The following DNAJC15 variants were observed in gnomAD, a reference collection of about 807,000 sequenced individuals.
DNAJC15 encodes the protein DnaJ heat shock protein family (Hsp40) member C15, also known as dnaJ homolog subfamily C member 15.
DNAJC15 carries 27 observed loss-of-function variants against 22.4 expected under a neutral mutation model. That is an observed-to-expected ratio of 1.20 (90% CI 0.89 to 1.66). The LOEUF is 1.66. Ranked by LOEUF, DNAJC15 falls within the 40% of genes most tolerant of loss-of-function variation. The pLI is 0.00. For missense variants in DNAJC15, 208 were observed against 187.1 expected, an observed-to-expected ratio of 1.11 and a Z score of -0.65; for synonymous variants, 79 against 63.2, an observed-to-expected ratio of 1.25 and a Z score of -1.19.
At chr13:43,069,540 T>C (rs1772530511) in intron 3 of DNAJC15, among the ~76,000 whole-genome samples, 2 of 152,186 alleles carry the variant, frequency 1.3e-5, no homozygotes, top group African/African-American at 4.8e-5. Context: ...ATAGCTACTC[T>C]GGGGAGCTGA....
intron 5 of DNAJC15, among the ~76,000 whole-genome samples, chr13:43,097,662 G>GCTAGACCTT (rs2040746375): frequency 6.6e-6 from 1 of 152,188 alleles, no homozygotes; most frequent in African/African-American, 2.4e-5. Context: ...TCTAGGCCCG[G>GCTAGACCTT]TACGGTGGCT....
Position 43,077,205 on chromosome 13 carries a change from A to G in DNAJC15, c.235-1407A>G, listed in dbSNP as rs2040637613. Among the ~76,000 whole-genome samples the G allele has an allele frequency of 3.9e-5, 6 of 152,366 alleles. 1 individual carries two copies. The South Asian group carries it at 1.2e-3, about 32-fold the overall frequency. On this transcript the variant is annotated intron_variant, in intron 3 of 5. Transcript: ENST00000379221. ...TCCTCATGTCTGTTATTCACAACAA[A>G]TAAACAGCTGCTCCTTTCCTCAGTC...
chr13:43,083,590 A>C (rs985401145), intron 4 of DNAJC15, among the ~76,000 whole-genome samples: 2 of 152,256 alleles, frequency 1.3e-5, no homozygotes, highest in African/African-American at 4.8e-5. Flanking sequence ...AATAAAGGCA[A>C]GATGTGCCAC....
intron 4 of DNAJC15, among the ~76,000 whole-genome samples, chr13:43,083,021 A>G (rs1172537574): frequency 1.3e-5 from 2 of 152,010 alleles, no homozygotes; most frequent in African/African-American, 2.4e-5. Flanking sequence ...TTTTTACTTT[A>G]AAATTATTTG....
intron 5 of DNAJC15, among the ~76,000 whole-genome samples, chr13:43,100,440 A>T (rs919122855): frequency 2.0e-5 from 3 of 151,826 alleles, no homozygotes; most frequent in African/African-American, 7.3e-5. Flanking sequence ...CAAATTCCTG[A>T]GATTAAGTGA....
At chr13:43,063,285 C>G (rs904974932) in intron 1 of DNAJC15, among the ~76,000 whole-genome samples, 1 of 152,268 alleles carries the variant, frequency 6.6e-6, no homozygotes, top group African/African-American at 2.4e-5. Flanking sequence ...GTTGGGATTA[C>G]AGGCGTGAGC....
intron 3 of DNAJC15, among the ~76,000 whole-genome samples, chr13:43,075,450 TAAAG>T (rs2040629013): frequency 1.3e-5 from 2 of 152,314 alleles, no homozygotes; most frequent in East Asian, 3.9e-4. Flanking sequence ...CTAAGGTAAA[TAAAG>T]ACTCATTGAA....
intron 4 of DNAJC15, among the ~76,000 whole-genome samples, chr13:43,081,670 T>C (rs8002411): frequency 0.54 from 81,752 of 151,422 alleles, 22,135 homozygotes; most frequent in South Asian, 0.65. Flanking sequence ...ATCTCCTGAC[T>C]TTGTGATCCG....
At chr13:43,088,689 A>C (rs568306899) in intron 5 of DNAJC15, among the ~76,000 whole-genome samples, 1 of 152,342 alleles carries the variant, frequency 6.6e-6, no homozygotes, top group East Asian at 1.9e-4. Flanking sequence ...ATTGTAAAGT[A>C]AGCTAATTTT....
intron 1 of DNAJC15, among the ~76,000 whole-genome samples, chr13:43,041,456 A>G (rs759621981): frequency 1.3e-5 from 2 of 152,140 alleles, no homozygotes; most frequent in Non-Finnish European, 2.9e-5. Context: ...TCTTGTGTCT[A>G]CTTCTTTCTA....
intron 4 of DNAJC15, 141 bp from the exon 5 acceptor site, chr13:43,085,627 A>G: frequency 1.6e-6 from 1 of 608,838 alleles, no homozygotes; most frequent in Non-Finnish European, 2.8e-6. Context: ...AGTGGAATTA[A>G]GTGGAAAGCT....
intron 5 of DNAJC15, among the ~76,000 whole-genome samples, chr13:43,089,311 T>A (rs2040703567): frequency 6.6e-6 from 1 of 152,194 alleles, no homozygotes; most frequent in Non-Finnish European, 1.5e-5. Flanking sequence ...GACAATTAGA[T>A]CTCTGTCCCC....
rs1380193988 is a variant in DNAJC15 at position 43,107,412 on chromosome 13, C to G, written c.*164C>G. 2 of 453,226 alleles carry G rather than the reference C, an allele frequency of 4.4e-6. No individual in the cohort carries two copies. Among genetic ancestry groups the G allele is most frequent in the Non-Finnish European group, 7.5e-6 (2 of 265,256 alleles). 28.1% of individuals were successfully genotyped at this position (453,226 alleles called of 1,614,324 possible). A position where few individuals can be genotyped will look rare whatever the true frequency, so the allele number is the denominator to read the frequency against. On this transcript the variant is annotated 3_prime_UTR_variant, in exon 6 of 6. Transcript: ENST00000379221. ...TAACAATAAAATGTTAATAGTCTTGCTTTTTATTATCTTTTAAAGATCTCC... is the reference window on the plus strand; with the variant it reads ...TAACAATAAAATGTTAATAGTCTTGGTTTTTATTATCTTTTAAAGATCTCC...
Position 43,112,806 on chromosome 13 carries a change from A to AT in DNAJC15, c.*5560dup, listed in dbSNP as rs146808119. On this transcript the variant is annotated 3_prime_UTR_variant, in exon 6 of 6. Coordinates refer to ENST00000379221, the MANE Select transcript of DNAJC15 (RefSeq NM_013238.3). The stretch of plus-strand genomic sequence containing the variant: ...CTGAATCGCATGCTGTTTATATTAT[A>AT]TTGCACTCATTCTAAATATGTGGGA... 463 of 152,272 alleles carry AT rather than the reference A, an allele frequency of 3.0e-3. 3 individuals carry two copies. The highest frequency in any genetic ancestry group is 0.011 in the African/African-American group (437 of 41,568). The allele number at this position is 152,272 out of a possible 1,614,324, so 9.4% of individuals were successfully genotyped here.
chr13:43,068,044 C>T (rs928841431), intron 2 of DNAJC15, among the ~76,000 whole-genome samples: 13 of 152,176 alleles, frequency 8.5e-5, no homozygotes, highest in African/African-American at 3.1e-4. Flanking sequence ...GTAAATTTTT[C>T]TAAAACAGTA....
rs1397079606 is a variant in DNAJC15 at position 43,065,715 on chromosome 13, T to TGTTG, written c.139_142dup (p.Ala48GlyfsTer33). The TGTTG allele has an allele frequency of 5.6e-6, 9 of 1,613,212 alleles. No homozygotes were observed. The highest frequency in any genetic ancestry group is 7.6e-6 in the Non-Finnish European group (9 of 1,179,722). ...GAAGTTTGATAGCTGTAGGACTGGG[T>TGTTG]GTTGCAGCTCTTGCATTTGCAGGTA... is the stretch of plus-strand genomic sequence containing the variant. On this transcript the variant is annotated frameshift_variant, in exon 2 of 6. Coordinates refer to ENST00000379221, the MANE Select transcript of DNAJC15 (RefSeq NM_013238.3). LOFTEE classifies it high-confidence loss of function.
intron 5 of DNAJC15, among the ~76,000 whole-genome samples, chr13:43,106,894 G>C (rs1405618524): frequency 1.3e-5 from 2 of 151,572 alleles, no homozygotes; most frequent in East Asian, 3.9e-4. Flanking sequence ...CTTGAAAGGT[G>C]AATGTCTGAC....
intron 1 of DNAJC15, among the ~76,000 whole-genome samples, chr13:43,028,851 T>G (rs567171983): frequency 1.4e-4 from 21 of 152,198 alleles, no homozygotes; most frequent in Non-Finnish European, 5.9e-5. Context: ...TGTTTTATAC[T>G]GTGTGTTTCC....
intron 1 of DNAJC15, among the ~76,000 whole-genome samples, chr13:43,025,273 G>A (rs562018799): frequency 6.6e-6 from 1 of 152,318 alleles, no homozygotes; most frequent in Non-Finnish European, 1.5e-5. Context: ...TTTGTGGAGA[G>A]TCGTAAAAAT....
Sources: allele counts gnomAD v4.1 joint callset (sites outside exome capture counted in the v4.1 genomes callset), GRCh38; gene constraint gnomAD v4.1.1; transcripts MANE v1.5; gene names NCBI Gene and HGNC (gene_info 2026-07-23, HGNC 2026-07-21).